The following TRPM2 variants were observed in gnomAD, a reference collection of about 807,000 sequenced individuals.
The protein encoded by TRPM2 is transient receptor potential cation channel subfamily M member 2, also known as estrogen-responsive element-associated gene 1 protein.
Under a neutral mutation model 174.0 loss-of-function variants are expected in TRPM2, and 161 were observed. The observed-to-expected ratio is 0.93, with a 90% CI of 0.81 to 1.05. TRPM2 has a LOEUF of 1.05. Among genes scored for constraint, TRPM2 ranks in the 50% least tolerant of loss-of-function variants. TRPM2 has a pLI of 0.00. For missense variants in TRPM2, 2,057 were observed against 2,038.0 expected (o/e 1.01, Z -0.18); for synonymous variants, 954 against 861.3 (o/e 1.11, Z -1.88).
chr21:44,437,881 C>T (rs915144861), intron 29 of TRPM2, among the ~76,000 whole-genome samples: 1 of 152,260 alleles, frequency 6.6e-6, no homozygotes, highest in Non-Finnish European at 1.5e-5. Context: ...TCCTGCCAGG[C>T]CTGGCCGTGG....
intron 2 of TRPM2, among the ~76,000 whole-genome samples, chr21:44,360,489 G>C (rs889625991): frequency 4.6e-5 from 7 of 152,078 alleles, no homozygotes; most frequent in African/African-American, 1.5e-4. Context: ...TTCCCCCTGT[G>C]GCTACATTCT....
At chr21:44,423,619 T>C (rs775956246) in intron 22 of TRPM2, 26 bp from the exon 23 acceptor site, 2 of 1,601,766 alleles carry the variant, frequency 1.2e-6, no homozygotes, top group Non-Finnish European at 1.7e-6. Context: ...GTGGTGTGCG[T>C]CCAGCTCAGC....
upstream of TRPM2, chr21:44,353,428 G>A (rs2047962338): frequency 6.2e-6 from 2 of 320,092 alleles, no homozygotes; most frequent in South Asian, 1.5e-4. Context: ...ACCCCCGCAT[G>A]TGCATGTACT....
chr21:44,404,291 TATACATGCACAC>T (rs1190139190), intron 16 of TRPM2, among the ~76,000 whole-genome samples: 5 of 140,278 alleles, frequency 3.6e-5, no homozygotes, highest in Non-Finnish European at 7.4e-5. Flanking sequence ...TGCATACACA[TATACATGCACAC>T]ATACATGCAC....
intron 22 of TRPM2, among the ~76,000 whole-genome samples, chr21:44,420,394 C>G (rs2050507718): frequency 6.6e-6 from 1 of 152,150 alleles, no homozygotes; most frequent in African/African-American, 2.4e-5. Flanking sequence ...CCCATAGTAT[C>G]CTGGGATGTA....
intron 27 of TRPM2, among the ~76,000 whole-genome samples, chr21:44,430,332 G>A (rs2050977054): frequency 6.6e-6 from 1 of 152,034 alleles, no homozygotes; most frequent in South Asian, 2.1e-4. Context: ...TTTGTATGAG[G>A]TGGAGATAAT....
At chr21:44,418,373 C>A in intron 21 of TRPM2, 50 bp from the exon 22 acceptor site, 4 of 1,599,148 alleles carry the variant, frequency 2.5e-6, no homozygotes, top group South Asian at 2.2e-5. Flanking sequence ...GCTTCAGGGC[C>A]CACCTCCTGA....
At position 44,367,132 on chromosome 21, in the gene TRPM2, T is replaced by C. The variant is rs2048386514; in HGVS notation, c.604+198T>C. Among the ~76,000 whole-genome samples the C allele has an allele frequency of 6.6e-6, 1 of 152,096 alleles. No individual in the cohort carries two copies. Among genetic ancestry groups the C allele is most frequent in the African/African-American group, 2.4e-5 (1 of 41,432 alleles). ...CGCCCGATGCTCCCACTGGCTTGCC[T>C]GTGGGCTGGAGATGGCTCAGTGCAT... is the stretch of plus-strand genomic sequence containing the variant. On this transcript the variant is annotated intron_variant, in intron 4 of 31. Transcript: ENST00000397928. The surrounding 1 kb of genome is among the most constrained non-coding windows in gnomAD (Gnocchi z 4.6).
intron 5 of TRPM2, among the ~76,000 whole-genome samples, chr21:44,373,429 C>T (rs550009672): frequency 1.5e-4 from 23 of 152,232 alleles, no homozygotes; most frequent in Admixed American, 1.2e-3. Context: ...TCAAGTGATC[C>T]GCCCGCCTCG....
Position 44,382,758 on chromosome 21 carries a change from T to C in TRPM2, c.1256T>C (p.Phe419Ser). ...IVRRRQLLTV[F>S]REGKDGQQDV... The stretch of plus-strand genomic sequence containing the variant: ...CGGAGGCGGCAGCTGCTGACTGTCT[T>C]CCGGGAAGGCAAGGATGGTCAGCAG... Residue 419 changes from phenylalanine (F) to serine (S), a missense_variant, in exon 9 of 32, where the codon TTC becomes TCC. Phe to Ser is a radical substitution (Grantham distance 155). Transcript: ENST00000397928. The C allele has an allele frequency of 6.2e-7, 1 of 1,614,066 alleles. No homozygotes were observed. Among genetic ancestry groups the C allele is most frequent in the Non-Finnish European group, 8.5e-7 (1 of 1,180,006 alleles).
At chr21:44,406,994 C>A (rs1447746965) in intron 19 of TRPM2, among the ~76,000 whole-genome samples, 2 of 150,098 alleles carry the variant, frequency 1.3e-5, no homozygotes, top group African/African-American at 4.9e-5. Context: ...TGAGTGGTGC[C>A]ACGCAGAGGT....
rs144380426 is a variant in TRPM2, at chr21:44,426,661, C to T, written c.3797C>T (p.Thr1266Met). 4,288 of 1,614,158 alleles carry T rather than the reference C, an allele frequency of 2.7e-3. 7 individuals are homozygous for T. The highest frequency in any genetic ancestry group is 3.7e-3 in the Admixed American group (223 of 60,030). ...GGAAAACTCCCTGTTTTGCGACAGA[C>T]GGAGTTCCTGATCTATGACCCACCC... ...PVPNEKVPWE[T>M]EFLIYDPPFY... The change falls in exon 26 of 32, where the codon ACG (threonine) becomes ATG (methionine). Residue 1266 changes from threonine to methionine, a missense_variant and splice_region_variant. Physicochemically the swap from Thr to Met is moderately conservative, Grantham distance 81. Transcript: ENST00000397928.
At chr21:44,402,373 GCT>G (rs1020095001) in intron 16 of TRPM2, among the ~76,000 whole-genome samples, 2 of 152,214 alleles carry the variant, frequency 1.3e-5, no homozygotes, top group African/African-American at 2.4e-5. Context: ...ATCCAGGACA[GCT>G]CTGAGCCCAG....
At position 44,366,872 on chromosome 21, in the gene TRPM2, A is replaced by G. The variant is rs749317713; in HGVS notation, c.542A>G (p.Asn181Ser). Residue 181 changes from asparagine to serine, a missense_variant, in exon 4 of 32, where the codon AAC becomes AGC. Coordinates refer to ENST00000397928, the MANE Select transcript of TRPM2 (RefSeq NM_003307.4). This position sits in a 1 kb window ranked among gnomAD's most constrained non-coding sequence, Gnocchi z 6.0. ...GTGACCGGGGGGGCCAAGAACTTCA[A>G]CATGAAGCCGCGGCTGAAGAGCATT... ...ISVTGGAKNF[N>S]MKPRLKSIFR... 6.2e-7 allele frequency: 1 copy of G among 1,613,018 alleles called. No homozygotes were observed. Among genetic ancestry groups the G allele is most frequent in the African/African-American group, 1.3e-5 (1 of 74,912 alleles).
At position 44,401,851 on chromosome 21, in the gene TRPM2, C is replaced by T. The variant is rs1365087231; in HGVS notation, c.2492C>T (p.Ala831Val). The change falls in exon 16 of 32, where the codon GCC becomes GTC. Residue 831 changes from alanine to valine, a missense_variant. Physicochemically the swap from Ala to Val is moderately conservative, Grantham distance 64 (BLOSUM62 0). Coordinates refer to ENST00000397928, the MANE Select transcript of TRPM2 (RefSeq NM_003307.4). Reference protein sequence around the residue: ...FQPVPSWCECAIYLWLFSLVC... With the variant: ...FQPVPSWCECVIYLWLFSLVC... ...CCTGTGCCCTCCTGGTGCGAGTGTGCCATCTACCTCTGGCTCTTCTCCTTG... is the reference window on the plus strand; with the variant it reads ...CCTGTGCCCTCCTGGTGCGAGTGTGTCATCTACCTCTGGCTCTTCTCCTTG... The T allele has an allele frequency of 6.2e-7, 1 of 1,613,938 alleles. No homozygotes were observed. The highest frequency in any genetic ancestry group is 1.7e-5 in the Admixed American group (1 of 60,022).
chr21:44,423,552 G>A lies in TRPM2; in HGVS notation c.3462-93G>A, dbSNP rs1248907704. The A allele has an allele frequency of 4.9e-6, 5 of 1,028,072 alleles. No homozygotes were observed. In the African/African-American group the frequency reaches 6.3e-5, roughly 13 times the overall value. 63.7% of individuals were successfully genotyped at this position (1,028,072 alleles called of 1,614,324 possible). A position where few individuals can be genotyped will look rare whatever the true frequency, so the allele number is the denominator to read the frequency against. On this transcript the variant is annotated intron_variant, in intron 22 of 31. Transcript: ENST00000397928. ...GCAAAGGCTGACACAGGGCCTTGGTGGCTGCATCTGGCAGGGCTGTCTGCA... is the reference window on the plus strand; with the variant it reads ...GCAAAGGCTGACACAGGGCCTTGGTAGCTGCATCTGGCAGGGCTGTCTGCA...
At chr21:44,422,034 C>T (rs946860053) in intron 22 of TRPM2, among the ~76,000 whole-genome samples, 1 of 152,228 alleles carries the variant, frequency 6.6e-6, no homozygotes, top group African/African-American at 2.4e-5. Context: ...AGCTCTTGCT[C>T]ATCCGCAGAG....
At chr21:44,402,873 G>A (rs1383686001) in intron 16 of TRPM2, among the ~76,000 whole-genome samples, 1 of 152,188 alleles carries the variant, frequency 6.6e-6, no homozygotes, top group Non-Finnish European at 1.5e-5. Context: ...CAGTGGTCCT[G>A]GCTTAGACTT....
intron 5 of TRPM2, among the ~76,000 whole-genome samples, chr21:44,370,751 A>G (rs1602148592): frequency 6.6e-6 from 1 of 152,126 alleles, no homozygotes; most frequent in South Asian, 2.1e-4. Context: ...GCGGGGTCGG[A>G]CTGGACCAGC....
Sources: allele counts gnomAD v4.1 joint callset (sites outside exome capture counted in the v4.1 genomes callset), GRCh38; gene constraint gnomAD v4.1.1; non-coding constraint Gnocchi (gnomAD v3.1); transcripts MANE v1.5; gene names NCBI Gene and HGNC (gene_info 2026-07-23, HGNC 2026-07-21).